The following SYT13 variants were observed in gnomAD, a reference collection of about 807,000 sequenced individuals.
The protein encoded by SYT13 is synaptotagmin-13.
A neutral mutation model predicts 38.6 loss-of-function variants in SYT13; 21 were observed. The observed-to-expected ratio is 0.54, with a 90% CI of 0.39 to 0.78. SYT13 has a LOEUF of 0.78. Ranked by LOEUF, SYT13 falls within the 30% of genes least tolerant of loss-of-function variation. The pLI, the probability that SYT13 is intolerant of heterozygous loss-of-function variation, is 0.00. For missense variants in SYT13, 495 were observed against 548.7 expected (o/e 0.90, Z 0.98); for synonymous variants, 241 against 237.6 (o/e 1.01, Z -0.13).
intron 1 of SYT13, among the ~76,000 whole-genome samples, chr11:45,258,776 G>A (rs186932556): frequency 1.1e-4 from 16 of 152,226 alleles, no homozygotes; most frequent in African/African-American, 3.1e-4. Context: ...GGCGAAGACC[G>A]GGCTTGGGGG....
intron 2 of SYT13, among the ~76,000 whole-genome samples, chr11:45,255,295 G>A (rs961711310): frequency 6.6e-5 from 10 of 152,086 alleles, no homozygotes; most frequent in Non-Finnish European, 1.3e-4. Flanking sequence ...TGAAGAAACC[G>A]AGGTTCATGG....
chr11:45,277,509 G>T (rs1019220243), intron 1 of SYT13, among the ~76,000 whole-genome samples: 1 of 152,272 alleles, frequency 6.6e-6, no homozygotes, highest in African/African-American at 2.4e-5. Flanking sequence ...ATCTGTCTAT[G>T]GTCTACAATG....
Position 45,254,308 on chromosome 11 carries a change from T to C in SYT13, c.506A>G (p.Asp169Gly). 6.2e-7 allele frequency: 1 copy of C among 1,613,390 alleles called. No individual in the cohort carries two copies. Among genetic ancestry groups the C allele is most frequent in the Non-Finnish European group, 8.5e-7 (1 of 1,179,750 alleles). Residue 169 changes from aspartate to glycine, a missense_variant, in exon 3 of 6, where the codon GAC becomes GGC. By Grantham distance (94) the Asp-to-Gly change is moderately conservative. Transcript: ENST00000020926. The part of the protein sequence containing the change: ...APKLHYCLDY[D>G]CQKAELFVTR... ...CACAAACAATTCTGCCTTCTGACAG[T>C]CATAGTCCAGGCAGTAGTGGAGTTT...
intron 4 of SYT13, among the ~76,000 whole-genome samples, chr11:45,248,367 C>T (rs149203430): frequency 1.5e-3 from 234 of 152,342 alleles, no homozygotes; most frequent in African/African-American, 5.4e-3. Flanking sequence ...AAAAGGGTAA[C>T]ACATTCCATT....
At position 45,243,782 on chromosome 11, in the gene SYT13, TA is replaced by T. The variant is rs1854580873; in HGVS notation, c.*269del. On this transcript the variant is annotated 3_prime_UTR_variant, in exon 6 of 6. Coordinates refer to ENST00000020926, the MANE Select transcript of SYT13 (RefSeq NM_020826.3). The stretch of plus-strand genomic sequence containing the variant: ...TCTCTGCATCTGGCCTAACCCCACC[TA>T]TAAAACAGGCATAGGAACTGTATTT... 2.6e-6 allele frequency: 1 copy of T among 391,188 alleles called. No individual in the cohort carries two copies. 24.2% of individuals were successfully genotyped at this position (391,188 alleles called of 1,614,324 possible). A position where few individuals can be genotyped will look rare whatever the true frequency, so the allele number is the denominator to read the frequency against.
At chr11:45,264,703 T>C (rs528955259) in intron 1 of SYT13, among the ~76,000 whole-genome samples, 2 of 152,306 alleles carry the variant, frequency 1.3e-5, no homozygotes, top group African/African-American at 4.8e-5. Flanking sequence ...TTTTAAGCCA[T>C]TGTGTTTTGG....
chr11:45,259,256 G>A (rs1053679833), intron 1 of SYT13, among the ~76,000 whole-genome samples: 4 of 152,162 alleles, frequency 2.6e-5, no homozygotes, highest in African/African-American at 7.2e-5. Flanking sequence ...ACTTGGTTGG[G>A]ACCAGAACTA....
At chr11:45,273,417 G>T (rs945804323) in intron 1 of SYT13, among the ~76,000 whole-genome samples, 16 of 151,438 alleles carry the variant, frequency 1.1e-4, no homozygotes, top group African/African-American at 3.9e-4. Context: ...AGGCAGAGGA[G>T]TTGGTCAATG....
chr11:45,277,002 G>A (rs4261273), intron 1 of SYT13, among the ~76,000 whole-genome samples: 47 of 152,224 alleles, frequency 3.1e-4, no homozygotes, highest in African/African-American at 1.1e-3. Flanking sequence ...CAATCCAAAT[G>A]TCCATCAATG....
chr11:45,250,116 T>C (rs1854655312), intron 4 of SYT13, among the ~76,000 whole-genome samples: 2 of 152,202 alleles, frequency 1.3e-5, no homozygotes, highest in African/African-American at 4.8e-5. Context: ...GGCGAGGGGC[T>C]GCCTGGCCTG....
At chr11:45,250,350 C>T (rs189514936) in intron 4 of SYT13, among the ~76,000 whole-genome samples, 1 of 152,318 alleles carries the variant, frequency 6.6e-6, no homozygotes, top group East Asian at 1.9e-4. Flanking sequence ...GCTATGTCCC[C>T]AGCTCTTGGC....
At chr11:45,265,988 T>C (rs1854876852) in intron 1 of SYT13, among the ~76,000 whole-genome samples, 1 of 152,124 alleles carries the variant, frequency 6.6e-6, no homozygotes, top group African/African-American at 2.4e-5. Flanking sequence ...GGGATACATA[T>C]TTGTCAAAAT....
At chr11:45,281,687 G>C (rs899564522) in intron 1 of SYT13, among the ~76,000 whole-genome samples, 9 of 141,936 alleles carry the variant, frequency 6.3e-5, no homozygotes, top group African/African-American at 2.4e-4. Flanking sequence ...AAAAAAAATT[G>C]GTGTGGGAAC....
chr11:45,272,080 C>G (rs1158143045), intron 1 of SYT13, among the ~76,000 whole-genome samples: 1 of 152,088 alleles, frequency 6.6e-6, no homozygotes, highest in Admixed American at 6.5e-5. Context: ...TCATTCTCAG[C>G]AAACTAACAC....
At chr11:45,276,098 A>G (rs1364287203) in intron 1 of SYT13, among the ~76,000 whole-genome samples, 1 of 152,188 alleles carries the variant, frequency 6.6e-6, no homozygotes, top group Non-Finnish European at 1.5e-5. Flanking sequence ...TACCCAAAGG[A>G]TTGTAAATCA....
At chr11:45,246,940 G>C (rs1854620939) in intron 4 of SYT13, among the ~76,000 whole-genome samples, 1 of 152,104 alleles carries the variant, frequency 6.6e-6, no homozygotes, top group Non-Finnish European at 1.5e-5. Flanking sequence ...CAGGTTCCTG[G>C]GGCAGCGGGA....
chr11:45,246,550 C>T, intron 4 of SYT13, 38 bp from the exon 5 acceptor site: 1 of 1,606,344 alleles, frequency 6.2e-7, no homozygotes, highest in Non-Finnish European at 8.5e-7. Context: ...GGAGTCTCAC[C>T]TGGGGACGCC....
intron 1 of SYT13, among the ~76,000 whole-genome samples, chr11:45,263,112 G>A (rs917050290): frequency 2.0e-5 from 3 of 152,128 alleles, no homozygotes; most frequent in Non-Finnish European, 2.9e-5. Context: ...AGACGCCTCC[G>A]GCTCTGCCTC....
At chr11:45,267,389 A>G (rs901493715) in intron 1 of SYT13, among the ~76,000 whole-genome samples, 4 of 152,174 alleles carry the variant, frequency 2.6e-5, no homozygotes, top group Non-Finnish European at 1.5e-5. Context: ...AGTCAGGGAA[A>G]CGGGACTGTC....
Sources: allele counts gnomAD v4.1 joint callset (sites outside exome capture counted in the v4.1 genomes callset), GRCh38; gene constraint gnomAD v4.1.1; transcripts MANE v1.5; gene names NCBI Gene and HGNC (gene_info 2026-07-23, HGNC 2026-07-21).